HAT1: variants seen among roughly 807,000 people sequenced by gnomAD.
HAT1 encodes the protein histone acetyltransferase type B catalytic subunit.
Under a neutral mutation model 56.6 loss-of-function variants are expected in HAT1, and 20 were observed. That is an observed-to-expected ratio of 0.35 (90% CI 0.25 to 0.51). The LOEUF is 0.51. Ranked by LOEUF, HAT1 falls within the 20% of genes least tolerant of loss-of-function variation. The pLI, the probability that HAT1 is intolerant of heterozygous loss-of-function variation, is 0.95. For missense variants in HAT1, 408 were observed against 504.3 expected (o/e 0.81, Z 1.83); for synonymous variants, 146 against 165.5 (o/e 0.88, Z 0.91).
chr2:171,972,244 G>GT (rs572188174), intron 8 of HAT1, among the ~76,000 whole-genome samples: 3,942 of 137,442 alleles, frequency 0.029, 64 homozygotes, highest in Middle Eastern at 0.043. Flanking sequence ...TGTTTTTGTT[G>GT]TTTTTTTTTT....
intron 2 of HAT1, among the ~76,000 whole-genome samples, chr2:171,931,982 G>T (rs1038842903): frequency 6.6e-6 from 1 of 152,154 alleles, no homozygotes; most frequent in African/African-American, 2.4e-5. Context: ...CCCTTTATCA[G>T]GTTGAGGAAG....
chr2:171,980,581 C>T (rs114278779), intron 10 of HAT1: 2,167 of 152,080 alleles, frequency 0.014, 23 homozygotes, highest in Non-Finnish European at 0.023. Context: ...CTAGGCAAGG[C>T]GTGGTGGCTC....
intron 6 of HAT1, 50 bp downstream of exon 6, chr2:171,965,958 A>C (rs1043046583): frequency 1.3e-6 from 2 of 1,534,772 alleles, no homozygotes; most frequent in Non-Finnish European, 1.8e-6. Flanking sequence ...CCACAAAGCC[A>C]GCATTTTAAT....
Position 171,976,177 on chromosome 2 carries a change from T to C in HAT1, c.844T>C (p.Tyr282His), listed in dbSNP as rs1448730716. Reference sequence around the variant, plus strand: ...TTTAGCGGAAGATCCATCCAAAAGCTATGTGAAATTACGAGACTTTGTGCT... The same window carrying C: ...TTTAGCGGAAGATCCATCCAAAAGCCATGTGAAATTACGAGACTTTGTGCT... ...DITAEDPSKS[Y>H]VKLRDFVLVK... Residue 282 changes from tyrosine to histidine, a missense_variant, in exon 9 of 11, where the codon TAT becomes CAT. Transcript: ENST00000264108. 1.9e-6 allele frequency: 3 copies of C among 1,586,840 alleles called. No individual in the cohort carries two copies. Among genetic ancestry groups the C allele is most frequent in the Admixed American group, 1.8e-5 (1 of 56,798 alleles).
At chr2:171,945,609 T>C (rs1687142414) in intron 2 of HAT1, among the ~76,000 whole-genome samples, 1 of 151,542 alleles carries the variant, frequency 6.6e-6, no homozygotes, top group African/African-American at 2.4e-5. Flanking sequence ...TTCTCCTGCC[T>C]CAGCCCTCTA....
At chr2:171,961,174 A>T (rs1350203060) in intron 4 of HAT1, among the ~76,000 whole-genome samples, 1 of 151,990 alleles carries the variant, frequency 6.6e-6, no homozygotes, top group Non-Finnish European at 1.5e-5. Flanking sequence ...GCATGATGGC[A>T]TGCTCCTGTA....
intron 4 of HAT1, among the ~76,000 whole-genome samples, chr2:171,962,600 G>T (rs1324694588): frequency 2.0e-5 from 3 of 152,158 alleles, no homozygotes; most frequent in South Asian, 2.1e-4. Flanking sequence ...CACCATGTTG[G>T]CCAGGCTGGT....
In HAT1 at chr2:171,959,486, T is replaced by A. The variant is rs150469785; in HGVS notation, c.310-5852T>A. ...ATCTAATTGTTCCATTCTTGAAAAT[T>A]AGGTTTTTCCATTTAGAAATACTGT... is the stretch of plus-strand genomic sequence containing the variant. On this transcript the variant is annotated intron_variant, in intron 4 of 10. Transcript: ENST00000264108. Among the ~76,000 whole-genome samples the A allele has an allele frequency of 4.9e-3, 751 of 152,378 alleles. 8 individuals carry two copies. The highest frequency in any genetic ancestry group is 0.017 in the African/African-American group (711 of 41,594).
intron 2 of HAT1, among the ~76,000 whole-genome samples, chr2:171,936,855 A>T (rs1399135886): frequency 6.6e-6 from 1 of 152,224 alleles, no homozygotes; most frequent in African/African-American, 2.4e-5. Context: ...AGTCCAGAAT[A>T]CAATTAGATA....
chr2:171,950,775 A>G lies in HAT1; in HGVS notation c.189-2106A>G, dbSNP rs185730193. 1.8e-3 allele frequency among the ~76,000 whole-genome samples: 268 copies of G among 152,118 alleles called. 1 individual carries two copies. The highest frequency in any genetic ancestry group is 5.9e-3 in the African/African-American group (245 of 41,498). ...TGCCTCAGCCTCCCAAAGTGCTGGC[A>G]TTACAGGCGTTAGCCACTGTGCCCA... On this transcript the variant is annotated intron_variant, in intron 3 of 10. Coordinates refer to ENST00000264108, the MANE Select transcript of HAT1 (RefSeq NM_003642.4).
rs369343412 is a variant in HAT1 at position 171,966,403 on chromosome 2, C to G, written c.612-6C>G. On this transcript the variant is annotated splice_region_variant and splice_polypyrimidine_tract_variant and intron_variant, in intron 6 of 10. Transcript: ENST00000264108. The stretch of plus-strand genomic sequence containing the variant: ...TGACCTGCTTGGCTTTCTGTTTTAT[C>G]TGCAGATTTGAGAAGTATAATAAGG... The G allele has an allele frequency of 5.5e-6, 8 of 1,454,702 alleles. No individual in the cohort carries two copies. Among genetic ancestry groups the G allele is most frequent in the Non-Finnish European group, 7.7e-6 (8 of 1,034,528 alleles). The allele number at this position is 1,454,702 out of a possible 1,614,324, so 90.1% of individuals were successfully genotyped here.
At chr2:171,944,489 C>T (rs986511795) in intron 2 of HAT1, among the ~76,000 whole-genome samples, 2 of 152,276 alleles carry the variant, frequency 1.3e-5, no homozygotes, top group Admixed American at 6.5e-5. Context: ...TTGAACAACA[C>T]GACTTGAACT....
At chr2:171,922,943 C>T in intron 1 of HAT1, 1 of 167,426 alleles carries the variant, frequency 6.0e-6, no homozygotes, top group Non-Finnish European at 1.3e-5. Context: ...CCTTCCACTA[C>T]AGTCAACTTC....
intron 8 of HAT1, among the ~76,000 whole-genome samples, chr2:171,970,925 G>A (rs903697098): frequency 6.6e-6 from 1 of 151,904 alleles, no homozygotes; most frequent in Non-Finnish European, 1.5e-5. Context: ...ATGTGGCCGG[G>A]TGCCATGGCT....
At chr2:171,952,743 T>G in intron 3 of HAT1, 138 bp from the exon 4 acceptor site, 1 of 512,582 alleles carries the variant, frequency 2.0e-6, no homozygotes, top group Non-Finnish European at 3.4e-6. Context: ...CTGAAGCACA[T>G]TTTATTGTAG....
intron 4 of HAT1, among the ~76,000 whole-genome samples, chr2:171,962,866 C>T (rs1331605482): frequency 6.6e-6 from 1 of 152,158 alleles, no homozygotes; most frequent in Admixed American, 6.5e-5. Context: ...CTTTTAGCCA[C>T]AAACATTGGA....
At chr2:171,977,558 T>TATATATATATATATATATATATA (rs1491530330) in intron 9 of HAT1, among the ~76,000 whole-genome samples, 1 of 9,486 alleles carries the variant, frequency 1.1e-4, no homozygotes, top group Non-Finnish European at 1.7e-4. Context: ...TATATATATA[T>TATATATATATATATATATATATA]TTTTTTTTTT....
chr2:171,974,820 A>G (rs1687919782), intron 8 of HAT1, among the ~76,000 whole-genome samples: 1 of 152,194 alleles, frequency 6.6e-6, no homozygotes, highest in Non-Finnish European at 1.5e-5. Context: ...TTTGTTCTGC[A>G]TGTATTGAAT....
intron 7 of HAT1, 35 bp from the exon 8 acceptor site, chr2:171,966,805 TATG>T (rs746066715): frequency 2.1e-6 from 2 of 946,350 alleles, no homozygotes; most frequent in South Asian, 2.8e-5. Context: ...CTGGTCATGT[TATG>T]ATATTTTAAT....
Sources: allele counts gnomAD v4.1 joint callset (sites outside exome capture counted in the v4.1 genomes callset), GRCh38; gene constraint gnomAD v4.1.1; transcripts MANE v1.5; gene names NCBI Gene and HGNC (gene_info 2026-07-23, HGNC 2026-07-21).